The following MTUS2 variants were observed in gnomAD, a reference collection of about 807,000 sequenced individuals.
The protein encoded by MTUS2 is microtubule associated scaffold protein 2, also known as microtubule-associated tumor suppressor candidate 2.
In MTUS2, 40 loss-of-function variants were observed where a neutral mutation model predicts 114.1. That is an observed-to-expected ratio of 0.35 (90% confidence interval 0.27 to 0.46). The LOEUF (loss-of-function observed/expected upper bound fraction) is 0.46. MTUS2 is among the 20% of genes least tolerant of loss of function. The pLI, the probability that MTUS2 is intolerant of heterozygous loss-of-function variation, is 1.00. For missense variants in MTUS2, 1,679 were observed against 1,705.4 expected (o/e 0.98, Z 0.27); for synonymous variants, 688 against 672.0 (o/e 1.02, Z -0.37).
intron 5 of MTUS2, among the ~76,000 whole-genome samples, chr13:29,186,558 C>T (rs187359595): frequency 5.3e-5 from 8 of 152,272 alleles, no homozygotes; most frequent in African/African-American, 1.9e-4. Flanking sequence ...TAAAAGGCTG[C>T]TCTTTCAAGA....
chr13:28,920,588 G>C (rs569753421), intron 2 of MTUS2, among the ~76,000 whole-genome samples: 1 of 152,284 alleles, frequency 6.6e-6, no homozygotes, highest in African/African-American at 2.4e-5. Context: ...AGGTCCTATA[G>C]CTCTGTGATC....
intron 5 of MTUS2, among the ~76,000 whole-genome samples, chr13:29,224,223 T>A (rs1458704707): frequency 6.6e-6 from 1 of 152,228 alleles, no homozygotes; most frequent in Non-Finnish European, 1.5e-5. Context: ...AAGGATCCTA[T>A]GACATTTGCA....
rs140231254 is a variant in MTUS2, at chr13:28,872,652, A to G, written c.-243+32802A>G. Among the ~76,000 whole-genome samples, 1,249 of 152,246 alleles carry G rather than the reference A, an allele frequency of 8.2e-3. 9 individuals are homozygous for G. The highest frequency in any genetic ancestry group is 0.022 in the South Asian group (107 of 4,818). The stretch of plus-strand genomic sequence containing the variant: ...AGAGTGGGTGGGAGGGAGCTGGTTT[A>G]GCAATCAGCTCTTGTGGGAATGAGT... On this transcript the variant is annotated intron_variant, in intron 2 of 15. Transcript: ENST00000612955.
At chr13:29,388,284 G>A (rs1424074794) in intron 8 of MTUS2, among the ~76,000 whole-genome samples, 2 of 152,138 alleles carry the variant, frequency 1.3e-5, no homozygotes, top group South Asian at 4.1e-4. Context: ...TAAAGATGGA[G>A]TCGGGGAGGT....
At chr13:28,909,743 C>T (rs1880284468) in intron 2 of MTUS2, among the ~76,000 whole-genome samples, 4 of 152,162 alleles carry the variant, frequency 2.6e-5, no homozygotes, top group African/African-American at 9.7e-5. Context: ...CAAATTGTCC[C>T]TGTTTGCAGA....
chr13:29,247,659 T>G (rs1280261459), intron 5 of MTUS2, among the ~76,000 whole-genome samples: 1 of 152,162 alleles, frequency 6.6e-6, no homozygotes, highest in Non-Finnish European at 1.5e-5. Context: ...ATGCTCATCA[T>G]CACTAATTAT....
At chr13:29,357,840 G>A (rs1869878489) in intron 7 of MTUS2, among the ~76,000 whole-genome samples, 2 of 152,204 alleles carry the variant, frequency 1.3e-5, no homozygotes, top group Non-Finnish European at 2.9e-5. Context: ...TTTTTAGGAG[G>A]AGAAGGAATT....
chr13:29,113,091 C>T (rs1035929544), intron 5 of MTUS2, among the ~76,000 whole-genome samples: 5 of 152,116 alleles, frequency 3.3e-5, no homozygotes, highest in African/African-American at 4.8e-5. Flanking sequence ...GTAGATCCCA[C>T]GTCTCTCCAA....
chr13:29,065,263 C>T (rs926604004), intron 4 of MTUS2, among the ~76,000 whole-genome samples: 1 of 152,142 alleles, frequency 6.6e-6, no homozygotes, highest in Non-Finnish European at 1.5e-5. Flanking sequence ...GTAAGTGTTC[C>T]TTTTTCGCCA....
chr13:28,826,354 C>T (rs992521674), intron 1 of MTUS2, among the ~76,000 whole-genome samples: 7 of 152,032 alleles, frequency 4.6e-5, no homozygotes, highest in East Asian at 1.9e-4. Context: ...AGATAGAAGA[C>T]GAGACTGTTT....
chr13:29,427,465 A>G (rs957246560), intron 8 of MTUS2, among the ~76,000 whole-genome samples: 9 of 152,242 alleles, frequency 5.9e-5, no homozygotes, highest in African/African-American at 2.2e-4. Flanking sequence ...GAATATTATT[A>G]TAGCATAGAC....
intron 5 of MTUS2, among the ~76,000 whole-genome samples, chr13:29,218,464 G>A (rs1456297772): frequency 1.3e-5 from 2 of 152,178 alleles, no homozygotes; most frequent in Non-Finnish European, 2.9e-5. Context: ...AATTAGAAAT[G>A]TTCTTAATGG....
chr13:29,406,325 C>T (rs1396165458), intron 8 of MTUS2, among the ~76,000 whole-genome samples: 3 of 152,180 alleles, frequency 2.0e-5, no homozygotes, highest in Non-Finnish European at 4.4e-5. Context: ...CTCAGGATTG[C>T]TCACAAGGTC....
intron 4 of MTUS2, among the ~76,000 whole-genome samples, chr13:29,058,955 T>C (rs1309029635): frequency 6.6e-6 from 1 of 152,138 alleles, no homozygotes; most frequent in Admixed American, 6.6e-5. Context: ...ATCTTTTATT[T>C]CCTATATTGA....
At chr13:29,019,599 G>A (rs554475204) in intron 2 of MTUS2, among the ~76,000 whole-genome samples, 24 of 152,140 alleles carry the variant, frequency 1.6e-4, no homozygotes, top group Admixed American at 2.6e-4. Flanking sequence ...CAAATGTCTC[G>A]GATTGGGTCA....
At chr13:29,248,261 G>T (rs1041154271) in intron 5 of MTUS2, among the ~76,000 whole-genome samples, 1 of 151,936 alleles carries the variant, frequency 6.6e-6, no homozygotes, top group Non-Finnish European at 1.5e-5. Flanking sequence ...GTGGGAGGGG[G>T]GTCATGGATA....
chr13:29,242,361 T>C (rs1033794422), intron 5 of MTUS2, among the ~76,000 whole-genome samples: 1 of 152,248 alleles, frequency 6.6e-6, no homozygotes, highest in African/African-American at 2.4e-5. Flanking sequence ...TCACTAATGC[T>C]TCTGAGGCTC....
At chr13:29,043,857 A>G (rs1281902345) in intron 4 of MTUS2, among the ~76,000 whole-genome samples, 2 of 151,934 alleles carry the variant, frequency 1.3e-5, no homozygotes, top group Non-Finnish European at 2.9e-5. Flanking sequence ...ATCACTTTGT[A>G]TATGGTGTAA....
chr13:29,319,519 T>G (rs1476033978), intron 6 of MTUS2, among the ~76,000 whole-genome samples: 2 of 152,174 alleles, frequency 1.3e-5, no homozygotes, highest in East Asian at 3.9e-4. Context: ...TCCAGCAAAA[T>G]TCCCGAGGTA....
Sources: allele counts gnomAD v4.1 joint callset (sites outside exome capture counted in the v4.1 genomes callset), GRCh38; gene constraint gnomAD v4.1.1; transcripts MANE v1.5; gene names NCBI Gene and HGNC (gene_info 2026-07-23, HGNC 2026-07-21).